The following NUP188 variants were observed in gnomAD, a reference collection of about 807,000 sequenced individuals.
NUP188 encodes nucleoporin 188, also known as nucleoporin NUP188.
In NUP188, 97 loss-of-function variants were observed where a neutral mutation model predicts 223.0. That is an observed-to-expected ratio of 0.43 (90% CI 0.37 to 0.51). The LOEUF (loss-of-function observed/expected upper bound fraction) is 0.51. Among genes scored for constraint, NUP188 ranks in the 20% least tolerant of loss-of-function variants. The pLI, the probability that NUP188 is intolerant of heterozygous loss-of-function variation, is 0.00. For synonymous variants in NUP188, 869 were observed against 828.0 expected (o/e 1.05, Z -0.85); for missense variants, 1,947 against 2,175.6 (o/e 0.89, Z 2.09).
intron 3 of NUP188, among the ~76,000 whole-genome samples, chr9:128,953,214 A>G (rs536967929): frequency 3.3e-5 from 5 of 152,354 alleles, no homozygotes; most frequent in Middle Eastern, 3.4e-3. Context: ...AGTGTTAACT[A>G]TGTAACAATT....
At chr9:128,967,397 G>T (rs547328925) in intron 8 of NUP188, among the ~76,000 whole-genome samples, 1 of 152,174 alleles carries the variant, frequency 6.6e-6, no homozygotes, top group Non-Finnish European at 1.5e-5. Context: ...GCTCAGGCCT[G>T]TAATCCCACC....
chr9:128,949,840 G>A (rs965535054), intron 2 of NUP188, among the ~76,000 whole-genome samples: 1 of 151,876 alleles, frequency 6.6e-6, no homozygotes, highest in East Asian at 1.9e-4. Context: ...TGTTGGCCAG[G>A]CTGGTGTTGA....
At chr9:128,972,053 T>TGAGC (rs2131156688) in intron 11 of NUP188, among the ~76,000 whole-genome samples, 1 of 152,340 alleles carries the variant, frequency 6.6e-6, no homozygotes, top group South Asian at 2.1e-4. Context: ...ATTACAGGTG[T>TGAGC]GAGCCACCGT....
chr9:128,961,440 T>C (rs1299784152), intron 8 of NUP188, among the ~76,000 whole-genome samples: 2 of 150,424 alleles, frequency 1.3e-5, no homozygotes, highest in Non-Finnish European at 3.0e-5. Flanking sequence ...TGAATCCAGG[T>C]GGTGGAGGTT....
intron 19 of NUP188, 81 bp downstream of exon 19, chr9:128,983,631 T>C: frequency 1.0e-6 from 1 of 964,200 alleles, no homozygotes; most frequent in Non-Finnish European, 1.6e-6. Flanking sequence ...GTTTATTAAT[T>C]TTATTTTTAT....
chr9:128,988,421 G>C (rs1305056716), intron 24 of NUP188, among the ~76,000 whole-genome samples: 1 of 152,186 alleles, frequency 6.6e-6, no homozygotes, highest in Admixed American at 6.5e-5. Context: ...CAGATTTGAA[G>C]TCAGACTGCC....
chr9:128,972,664 G>A (rs1842119542), intron 11 of NUP188, among the ~76,000 whole-genome samples: 1 of 152,204 alleles, frequency 6.6e-6, no homozygotes, highest in South Asian at 2.1e-4. Context: ...GTTTTGGTGG[G>A]ATGCTATTTA....
chr9:128,987,919 G>T, intron 23 of NUP188, 128 bp from the exon 24 acceptor site: 1 of 1,226,122 alleles, frequency 8.2e-7, no homozygotes, highest in Non-Finnish European at 1.2e-6. Context: ...CTCCTAGTTT[G>T]GACTGGGGCC....
chr9:128,995,510 C>T lies in NUP188; in HGVS notation c.3347C>T (p.Thr1116Ile), dbSNP rs770780212. ...AGGATGCTTCTCATCATTGCCACCA[C>T]TCATGTAAGACCCTTTTGGGGAGAG... Reference protein sequence around the residue: ...AWRMLLIIATTHADIMHLTDS... With the variant: ...AWRMLLIIATIHADIMHLTDS... The change falls in exon 30 of 44, where the codon ACT becomes ATT. Residue 1116 changes from threonine to isoleucine, a missense_variant. Around this residue, in one of 3 missense-constraint regions of NUP188, gnomAD observed 905 missense variants for 990.6 expected, o/e 0.91. Coordinates refer to ENST00000372577, the MANE Select transcript of NUP188 (RefSeq NM_015354.3). 6.9e-6 allele frequency: 11 copies of T among 1,589,210 alleles called. No homozygotes were observed. Among genetic ancestry groups the T allele is most frequent in the Non-Finnish European group, 6.8e-6 (8 of 1,168,754 alleles).
intron 3 of NUP188, 76 bp downstream of exon 3, chr9:128,952,922 G>A: frequency 1.7e-6 from 2 of 1,165,166 alleles, no homozygotes; most frequent in Non-Finnish European, 2.6e-6. Flanking sequence ...CCTTCTATGT[G>A]CTTTGATGAT....
At chr9:128,956,772 G>A (rs1447736943) in intron 4 of NUP188, among the ~76,000 whole-genome samples, 180 bp from the exon 5 acceptor site, 1 of 152,174 alleles carries the variant, frequency 6.6e-6, no homozygotes, top group Non-Finnish European at 1.5e-5. Context: ...AATAAAAATT[G>A]TATGTCAGTG....
chr9:129,003,977 AG>A (rs1459332245), intron 38 of NUP188: 8 of 193,076 alleles, frequency 4.1e-5, no homozygotes, highest in South Asian at 1.7e-4. Context: ...CGTCCCAAAA[AG>A]AAAAAAAAAA....
intron 29 of NUP188, 60 bp from the exon 30 acceptor site, chr9:128,995,259 A>AC: frequency 7.3e-7 from 1 of 1,377,942 alleles, no homozygotes; most frequent in South Asian, 1.2e-5. Context: ...AAGGGTCTGT[A>AC]CCCATTATAT....
intron 33 of NUP188, 113 bp from the exon 34 acceptor site, chr9:128,999,511 G>T: frequency 1.6e-6 from 2 of 1,229,752 alleles, no homozygotes; most frequent in Non-Finnish European, 2.3e-6. Flanking sequence ...GACAGATGCT[G>T]TCCCTCCTAG....
chr9:128,997,423 T>A (rs1173246974), intron 30 of NUP188, among the ~76,000 whole-genome samples: 1 of 152,058 alleles, frequency 6.6e-6, no homozygotes, highest in African/African-American at 2.4e-5. Context: ...AAAGAGGAGG[T>A]GAACCTGGGC....
At chr9:128,979,357 G>C (rs1347902659) in intron 13 of NUP188, 30 bp downstream of exon 13, 1 of 1,519,256 alleles carries the variant, frequency 6.6e-7, no homozygotes, top group Admixed American at 1.7e-5. Context: ...TCACTGCATA[G>C]CAAAAGAATT....
chr9:128,971,683 G>A (rs1842107101), intron 11 of NUP188, among the ~76,000 whole-genome samples: 1 of 152,122 alleles, frequency 6.6e-6, no homozygotes, highest in African/African-American at 2.4e-5. Flanking sequence ...CTCCCAAAGT[G>A]CTGGGATTAC....
At chr9:128,950,260 C>T (rs998410592) in intron 2 of NUP188, among the ~76,000 whole-genome samples, 6 of 151,544 alleles carry the variant, frequency 4.0e-5, no homozygotes, top group East Asian at 1.9e-4. Flanking sequence ...GTCTGGCTCT[C>T]GCCCAGGTTG....
chr9:128,978,797 T>C (rs1205325149), intron 12 of NUP188, among the ~76,000 whole-genome samples: 7 of 151,928 alleles, frequency 4.6e-5, no homozygotes, highest in Admixed American at 4.6e-4. Flanking sequence ...GCTACCTCCA[T>C]TGCCTGGGTT....
Sources: gnomAD v4.1 joint callset for allele counts (sites outside exome capture counted in the v4.1 genomes callset) on GRCh38, gnomAD v4.1.1 for gene constraint, gnomAD v4.1.1 regional missense constraint, MANE v1.5 for transcripts, NCBI Gene and HGNC (gene_info 2026-07-23, HGNC 2026-07-21) for gene names.